The following SNTG1 variants were observed in gnomAD, a reference collection of about 807,000 sequenced individuals.
The protein encoded by SNTG1 is gamma-1-syntrophin.
Under a neutral mutation model 74.7 loss-of-function variants are expected in SNTG1, and 39 were observed. The observed-to-expected ratio is 0.52, with a 90% CI of 0.40 to 0.68. The LOEUF is 0.68. SNTG1 is among the 30% of genes least tolerant of loss of function. SNTG1 has a pLI of 0.00. For missense variants in SNTG1, 685 were observed against 609.5 expected (o/e 1.12, Z -1.30); for synonymous variants, 254 against 217.1 (o/e 1.17, Z -1.49).
At chr8:50,122,469 G>A (rs1260550137) in intron 1 of SNTG1, among the ~76,000 whole-genome samples, 3 of 141,478 alleles carry the variant, frequency 2.1e-5, no homozygotes, top group African/African-American at 7.7e-5. Context: ...TCAAAAAAAA[G>A]CTGTGACTGC....
intron 10 of SNTG1, among the ~76,000 whole-genome samples, chr8:50,533,924 A>C (rs997043763): frequency 1.6e-4 from 24 of 152,210 alleles, no homozygotes; most frequent in Non-Finnish European, 2.9e-5. Context: ...GTGATTAGTC[A>C]GTCCTCAACA....
At chr8:50,499,535 A>G (rs1175262630) in intron 8 of SNTG1, among the ~76,000 whole-genome samples, 1 of 150,510 alleles carries the variant, frequency 6.6e-6, no homozygotes, top group African/African-American at 2.4e-5. Flanking sequence ...TTTTCTCTAT[A>G]TTGTCCTGCC....
intron 18 of SNTG1, among the ~76,000 whole-genome samples, chr8:50,759,548 C>A (rs539730481): frequency 6.6e-6 from 1 of 152,080 alleles, no homozygotes; most frequent in African/African-American, 2.4e-5. Context: ...TTTCCCAGCA[C>A]CATTTATTAA....
At chr8:49,928,482 G>A (rs1053801415) in intron 1 of SNTG1, among the ~76,000 whole-genome samples, 1 of 151,852 alleles carries the variant, frequency 6.6e-6, no homozygotes, top group African/African-American at 2.4e-5. Flanking sequence ...CCTCCCACCT[G>A]GGCCTCCCAA....
intron 2 of SNTG1, among the ~76,000 whole-genome samples, chr8:50,248,417 A>G (rs886565301): frequency 6.6e-6 from 1 of 152,176 alleles, no homozygotes; most frequent in African/African-American, 2.4e-5. Flanking sequence ...ACATGTTCTT[A>G]TACATCTTTG....
In SNTG1 at chr8:50,105,482, T is replaced by C. The variant is rs905357520; in HGVS notation, c.-102-67079T>C. Among the ~76,000 whole-genome samples the C allele has an allele frequency of 9.2e-5, 14 of 151,888 alleles. 1 individual carries two copies. The South Asian group carries it at 2.9e-3, about 32-fold the overall frequency. Reference sequence around the variant, plus strand: ...ACATGATGTCTTCAGCTTTTTTGTTTTGTTTTGTTTTGTTTTTTTTGCTTA... The same window carrying C: ...ACATGATGTCTTCAGCTTTTTTGTTCTGTTTTGTTTTGTTTTTTTTGCTTA... On this transcript the variant is annotated intron_variant, in intron 1 of 18. Transcript: ENST00000642720.
At chr8:50,061,878 T>C (rs1276956788) in intron 1 of SNTG1, among the ~76,000 whole-genome samples, 1 of 152,214 alleles carries the variant, frequency 6.6e-6, no homozygotes, top group East Asian at 1.9e-4. Flanking sequence ...CGGCTGTGGA[T>C]GTGGTCATTC....
chr8:50,475,671 TC>T (rs1394299712), intron 8 of SNTG1, among the ~76,000 whole-genome samples: 2 of 152,108 alleles, frequency 1.3e-5, no homozygotes, highest in Non-Finnish European at 2.9e-5. Flanking sequence ...TGGTTTGTGC[TC>T]CTAGAGTAAT....
intron 15 of SNTG1, among the ~76,000 whole-genome samples, chr8:50,679,968 G>T (rs1390901734): frequency 6.6e-6 from 1 of 152,122 alleles, no homozygotes; most frequent in Non-Finnish European, 1.5e-5. Flanking sequence ...TGGGCAAGGG[G>T]ACCTTACCTG....
chr8:50,393,606 T>A (rs971456559), intron 2 of SNTG1, among the ~76,000 whole-genome samples: 2 of 152,182 alleles, frequency 1.3e-5, no homozygotes, highest in African/African-American at 4.8e-5. Flanking sequence ...TAAATCTACA[T>A]TCATCATTTA....
chr8:50,174,426 A>C (rs1038458495), intron 2 of SNTG1, among the ~76,000 whole-genome samples: 1 of 152,202 alleles, frequency 6.6e-6, no homozygotes, highest in African/African-American at 2.4e-5. Flanking sequence ...GTTTTCCACA[A>C]TGGTTGAACT....
chr8:50,541,376 C>T (rs1563547203), intron 11 of SNTG1, among the ~76,000 whole-genome samples: 1 of 152,032 alleles, frequency 6.6e-6, no homozygotes, highest in Non-Finnish European at 1.5e-5. Flanking sequence ...CAGGCATTCT[C>T]CTGTAGTCCT....
In SNTG1 at chr8:50,305,124, C is replaced by T. The variant is rs187454729; in HGVS notation, c.-27-89088C>T. On this transcript the variant is annotated intron_variant, in intron 2 of 18. Transcript: ENST00000642720. The stretch of plus-strand genomic sequence containing the variant: ...CCATGTTGGCCAGGCTGGTCTCAAA[C>T]TCCTGACCTCAGGTGCTCACAGGAA... 5.6e-4 allele frequency among the ~76,000 whole-genome samples: 85 copies of T among 151,104 alleles called. No homozygotes were observed. The East Asian group carries it at 0.015, about 27-fold the overall frequency.
Position 50,553,244 on chromosome 8 carries a change from T to C in SNTG1, c.810+65T>C, listed in dbSNP as rs1412820454. 1.9e-6 allele frequency: 3 copies of C among 1,584,950 alleles called. No individual in the cohort carries two copies. The African/African-American group carries it at 4.0e-5, about 21-fold the overall frequency. ...AGGCTTTATAAAATCCTTCAGTATATATGTAACTTCACATCAACTGTTTGG... is the reference window on the plus strand; with the variant it reads ...AGGCTTTATAAAATCCTTCAGTATACATGTAACTTCACATCAACTGTTTGG... On this transcript the variant is annotated intron_variant, in intron 12 of 18. Transcript: ENST00000642720.
chr8:50,578,865 T>C (rs539735483), intron 12 of SNTG1, among the ~76,000 whole-genome samples: 1 of 152,304 alleles, frequency 6.6e-6, no homozygotes, highest in Non-Finnish European at 1.5e-5. Context: ...TATGTCTTAA[T>C]TAGCAGTGTG....
At chr8:50,593,045 T>A (rs2094702465) in intron 13 of SNTG1, among the ~76,000 whole-genome samples, 1 of 152,186 alleles carries the variant, frequency 6.6e-6, no homozygotes, top group African/African-American at 2.4e-5. Context: ...TAATCCCATT[T>A]CTGATGATAT....
intron 17 of SNTG1, among the ~76,000 whole-genome samples, chr8:50,709,923 T>G (rs1408009790): frequency 6.6e-6 from 1 of 152,198 alleles, no homozygotes; most frequent in Non-Finnish European, 1.5e-5. Flanking sequence ...TATCTAGAAA[T>G]TAAGTTTTGT....
At chr8:50,736,514 T>G (rs1379476282) in intron 17 of SNTG1, among the ~76,000 whole-genome samples, 1 of 151,878 alleles carries the variant, frequency 6.6e-6, no homozygotes, top group Non-Finnish European at 1.5e-5. Flanking sequence ...ATAAGACCGA[T>G]CAACAAGAGA....
chr8:50,522,828 C>T (rs887058060), intron 9 of SNTG1, among the ~76,000 whole-genome samples: 4 of 152,132 alleles, frequency 2.6e-5, no homozygotes, highest in African/African-American at 9.7e-5. Context: ...CTGCCTGCCT[C>T]AGCCTCCCAA....
Sources: gnomAD v4.1 joint callset for allele counts (sites outside exome capture counted in the v4.1 genomes callset) on GRCh38, gnomAD v4.1.1 for gene constraint, MANE v1.5 for transcripts, NCBI Gene and HGNC (gene_info 2026-07-23, HGNC 2026-07-21) for gene names.